MGAT4C: variants seen among roughly 807,000 people sequenced by gnomAD.
The protein encoded by MGAT4C is MGAT4 family member C.
In MGAT4C, 19 loss-of-function variants were observed where a neutral mutation model predicts 40.1. That is an observed-to-expected ratio of 0.47 (90% CI 0.33 to 0.70). The LOEUF is 0.70. MGAT4C is among the 30% of genes least tolerant of loss of function. The probability of loss-of-function intolerance (pLI) is 0.02; values close to 1 mark genes in which losing one functional copy is unlikely to be tolerated. For missense variants in MGAT4C, 491 were observed against 563.2 expected (o/e 0.87, Z 1.30); for synonymous variants, 181 against 187.1 (o/e 0.97, Z 0.27).
rs552481714 is a variant in MGAT4C, at chr12:86,384,046, A to T, written c.-119-49919T>A. Among the ~76,000 whole-genome samples the T allele has an allele frequency of 7.9e-5, 12 of 152,268 alleles. No individual in the cohort carries two copies. In the South Asian group the frequency reaches 2.5e-3, roughly 32 times the overall value. The stretch of plus-strand genomic sequence containing the variant: ...AAGTCTCATGAGATCTGATGGTTTT[A>T]AAAACAGAAGTCTCCCTCACAAGCT... On this transcript the variant is annotated intron_variant, in intron 3 of 7. Coordinates refer to the MGAT4C transcript ENST00000548651.
intron 1 of MGAT4C, among the ~76,000 whole-genome samples, chr12:86,760,551 C>T (rs1339596747): frequency 1.3e-5 from 2 of 151,504 alleles, no homozygotes; most frequent in Non-Finnish European, 3.0e-5. Context: ...AACAAACAAA[C>T]AAAAAATGTA....
At chr12:86,147,854 G>A (rs1883752292) in intron 1 of MGAT4C, among the ~76,000 whole-genome samples, 1 of 152,092 alleles carries the variant, frequency 6.6e-6, no homozygotes, top group South Asian at 2.1e-4. Context: ...ATATAGGTAA[G>A]GGATCCATTA....
chr12:86,088,040 CAACAG>C (rs57434480), intron 1 of MGAT4C, among the ~76,000 whole-genome samples: 5 of 151,710 alleles, frequency 3.3e-5, no homozygotes, highest in Non-Finnish European at 7.4e-5. Flanking sequence ...ACACATAGAC[CAACAG>C]AACAGAACAG....
intron 1 of MGAT4C, among the ~76,000 whole-genome samples, chr12:86,728,807 A>C (rs944968705): frequency 6.6e-6 from 1 of 152,232 alleles, no homozygotes; most frequent in African/African-American, 2.4e-5. Flanking sequence ...CTAGTGTACA[A>C]ATATATGTAT....
At chr12:85,981,771 T>C (rs949645192) in intron 4 of MGAT4C, among the ~76,000 whole-genome samples, 2 of 152,196 alleles carry the variant, frequency 1.3e-5, no homozygotes, top group Non-Finnish European at 2.9e-5. Flanking sequence ...GTACACTTAG[T>C]AGGTGATGCT....
chr12:86,114,514 AT>A (rs923866924), intron 1 of MGAT4C, among the ~76,000 whole-genome samples: 72 of 151,138 alleles, frequency 4.8e-4, no homozygotes, highest in East Asian at 1.6e-3. Context: ...GGCTCTCTTG[AT>A]TTTTTTTTCA....
At chr12:86,165,205 T>C (rs1433553829) in intron 1 of MGAT4C, among the ~76,000 whole-genome samples, 1 of 152,106 alleles carries the variant, frequency 6.6e-6, no homozygotes, top group Admixed American at 6.5e-5. Context: ...TATGGGCTGA[T>C]TCATTAAGAC....
intron 4 of MGAT4C, among the ~76,000 whole-genome samples, chr12:86,267,592 C>A (rs1349206202): frequency 6.6e-6 from 1 of 151,986 alleles, no homozygotes; most frequent in East Asian, 1.9e-4. Context: ...CACAGCTGTT[C>A]TTTCAAATAT....
At chr12:86,239,306 A>T (rs1357087998) in intron 1 of MGAT4C, among the ~76,000 whole-genome samples, 2 of 152,076 alleles carry the variant, frequency 1.3e-5, no homozygotes, top group East Asian at 1.9e-4. Flanking sequence ...AGGAAGGAAC[A>T]TGACTACTTT....
intron 1 of MGAT4C, among the ~76,000 whole-genome samples, chr12:86,755,858 G>A (rs1951296384): frequency 6.6e-6 from 1 of 151,808 alleles, no homozygotes; most frequent in Non-Finnish European, 1.5e-5. Flanking sequence ...ATGTTGCCCA[G>A]TCTAGTCACA....
rs147283964 is a variant in MGAT4C at position 86,713,672 on chromosome 12, T to A, written c.-229+13537A>T. ...GAGCTTTTACAATGTATTAGTAGTT[T>A]TATATATATGAGTTCATTTTATTTT... On this transcript the variant is annotated intron_variant, in intron 2 of 7. Coordinates refer to the MGAT4C transcript ENST00000548651. Among the ~76,000 whole-genome samples the A allele has an allele frequency of 1.2e-3, 181 of 152,228 alleles. 2 individuals carry two copies. Among genetic ancestry groups the A allele is most frequent in the Middle Eastern group, 0.01 (3 of 294 alleles).
intron 2 of MGAT4C, among the ~76,000 whole-genome samples, chr12:86,596,081 T>A (rs981149577): frequency 6.6e-6 from 1 of 152,068 alleles, no homozygotes; most frequent in Non-Finnish European, 1.5e-5. Context: ...AAGTACCAAC[T>A]CTTTTTTTTT....
At chr12:86,466,590 G>T (rs1297628382) in intron 2 of MGAT4C, among the ~76,000 whole-genome samples, 4 of 152,156 alleles carry the variant, frequency 2.6e-5, no homozygotes, top group Non-Finnish European at 5.9e-5. Context: ...TAGTGAAATT[G>T]TTCAGTAGAA....
chr12:86,176,242 G>C (rs1593150173), intron 1 of MGAT4C, among the ~76,000 whole-genome samples: 1 of 152,070 alleles, frequency 6.6e-6, no homozygotes, highest in East Asian at 1.9e-4. Context: ...GTGAGCTCTT[G>C]TACATTTCCA....
chr12:86,630,529 C>A (rs1287611957), intron 2 of MGAT4C, among the ~76,000 whole-genome samples: 1 of 152,134 alleles, frequency 6.6e-6, no homozygotes, highest in Non-Finnish European at 1.5e-5. Flanking sequence ...CTGAATCCAG[C>A]AGCATATCAA....
intron 3 of MGAT4C, among the ~76,000 whole-genome samples, chr12:86,433,824 C>T (rs886496684): frequency 2.0e-5 from 3 of 152,046 alleles, no homozygotes; most frequent in Middle Eastern, 3.2e-3. Flanking sequence ...CTCCTCCTGA[C>T]TCTGCTATTT....
In MGAT4C at chr12:85,957,664, A is replaced by G. The variant is rs1882874931; in HGVS notation, c.*21625T>C. ...TAGAGTTGAATAAGAAAGCAAAAAA[A>G]AAAAAAAAAGAAAAAAGAAAAAAAA... On this transcript the variant is annotated 3_prime_UTR_variant, in exon 5 of 5. Coordinates refer to ENST00000611864, the MANE Select transcript of MGAT4C (RefSeq NM_001351288.2). 6.7e-6 allele frequency: 1 copy of G among 149,046 alleles called. No homozygotes were observed. The highest frequency in any genetic ancestry group is 2.5e-5 in the African/African-American group (1 of 40,066). The allele number at this position is 149,046 out of a possible 1,614,324, so 9.2% of individuals were successfully genotyped here. A position where few individuals can be genotyped will look rare whatever the true frequency, so the allele number is the denominator to read the frequency against.
At chr12:86,398,690 T>A (rs557394058) in intron 3 of MGAT4C, among the ~76,000 whole-genome samples, 1 of 151,986 alleles carries the variant, frequency 6.6e-6, no homozygotes, top group South Asian at 2.1e-4. Context: ...CTGCCCGTCT[T>A]TTACTTGCTC....
intron 2 of MGAT4C, among the ~76,000 whole-genome samples, chr12:86,704,740 AC>A (rs1489365972): frequency 1.3e-5 from 2 of 152,144 alleles, no homozygotes; most frequent in Non-Finnish European, 2.9e-5. Flanking sequence ...GCCTCAAGTC[AC>A]TATAGGGCAG....
Sources: allele counts gnomAD v4.1 joint callset (sites outside exome capture counted in the v4.1 genomes callset), GRCh38; gene constraint gnomAD v4.1.1; transcripts MANE v1.5; gene names NCBI Gene and HGNC (gene_info 2026-07-23, HGNC 2026-07-21).